JADE1: variants seen among roughly 807,000 people sequenced by gnomAD.
JADE1 encodes the protein protein Jade-1.
JADE1 carries 14 observed loss-of-function variants against 81.8 expected under a neutral mutation model. The ratio of observed to expected loss-of-function variants is 0.17; its 90% confidence interval spans 0.11 to 0.27. The LOEUF is 0.27. Among genes scored for constraint, JADE1 ranks in the 10% least tolerant of loss-of-function variants. The pLI is 1.00. For missense variants in JADE1, 690 were observed against 1,047.9 expected, an observed-to-expected ratio of 0.66 and a Z score of 4.71; for synonymous variants, 353 against 391.9, an observed-to-expected ratio of 0.90 and a Z score of 1.17.
At chr4:128,825,407 A>G (rs1477708547) in intron 1 of JADE1, among the ~76,000 whole-genome samples, 2 of 152,092 alleles carry the variant, frequency 1.3e-5, no homozygotes, top group African/African-American at 4.8e-5. Flanking sequence ...TAGAATCATC[A>G]CATCAGTCAT....
At chr4:128,831,831 C>T (rs1579137922) in intron 2 of JADE1, 21 bp downstream of exon 2, 1 of 1,606,924 alleles carries the variant, frequency 6.2e-7, no homozygotes, top group East Asian at 2.2e-5. Context: ...CTTTGTTGTT[C>T]TTGGAGCCTA....
At chr4:128,812,352 A>C (rs1726519860) in intron 1 of JADE1, among the ~76,000 whole-genome samples, 3 of 148,478 alleles carry the variant, frequency 2.0e-5, no homozygotes, top group East Asian at 2.1e-4. Context: ...GCCGCGCGGA[A>C]CCGCGGCCCT....
chr4:128,868,508 ATATT>A (rs1553952219), intron 10 of JADE1, among the ~76,000 whole-genome samples: 3 of 152,082 alleles, frequency 2.0e-5, no homozygotes, highest in African/African-American at 4.8e-5. Flanking sequence ...TGAGCACCAA[ATATT>A]TATTTAGTGT....
chr4:128,842,031 A>G (rs2125847312), intron 2 of JADE1, among the ~76,000 whole-genome samples: 1 of 152,312 alleles, frequency 6.6e-6, no homozygotes, highest in South Asian at 2.1e-4. Context: ...GAAGAAAGGC[A>G]GAGAACAGAG....
chr4:128,825,484 A>G (rs1403055200), intron 1 of JADE1, among the ~76,000 whole-genome samples: 1 of 152,156 alleles, frequency 6.6e-6, no homozygotes, highest in Non-Finnish European at 1.5e-5. Flanking sequence ...GGGTTCCTTC[A>G]CATAGTGGCT....
At chr4:128,840,509 T>C (rs752107095) in intron 2 of JADE1, among the ~76,000 whole-genome samples, 24 of 152,212 alleles carry the variant, frequency 1.6e-4, no homozygotes, top group Non-Finnish European at 2.5e-4. Context: ...CCAGACCTTC[T>C]GATAATTCCA....
chr4:128,864,477 A>G lies in JADE1; in HGVS notation c.1503+2252A>G, dbSNP rs575519532. 1.6e-3 allele frequency: 1,562 copies of G among 985,422 alleles called. 6 individuals are homozygous for G. Among genetic ancestry groups the G allele is most frequent in the Middle Eastern group, 2.1e-3 (4 of 1,914 alleles). The allele number at this position is 985,422 out of a possible 1,614,324, so 61.0% of individuals were successfully genotyped here. On this transcript the variant is annotated intron_variant, in intron 9 of 10. Transcript: ENST00000226319. ...AAATGGGCTTATTGTAATGAAAAAAAATACGCTACCCAAAATTTGCCATGA... is the reference window on the plus strand; with the variant it reads ...AAATGGGCTTATTGTAATGAAAAAAGATACGCTACCCAAAATTTGCCATGA...
intron 1 of JADE1, among the ~76,000 whole-genome samples, chr4:128,820,259 G>A (rs564923444): frequency 6.6e-6 from 1 of 152,186 alleles, no homozygotes; most frequent in Admixed American, 6.5e-5. Flanking sequence ...TTACAGGCAT[G>A]TGCCACCATG....
rs771370075 is a variant in JADE1, at chr4:128,862,204, C to T, written c.1482C>T (p.His494=). The T allele has an allele frequency of 2.0e-5, 32 of 1,614,174 alleles. No homozygotes were observed. Among genetic ancestry groups the T allele is most frequent in the African/African-American group, 2.7e-5 (2 of 75,032 alleles). ...TTAGGAGGCTGCAGCTGTTCACGCA[C>T]CTGCGGCAGGACCTGGAGAGGGTAA... ...VLFRRLQLFT[H]LRQDLERVRN... The change falls in exon 9 of 11, where the codon CAC becomes CAT. Residue 494 remains histidine (H), a synonymous_variant. Transcript: ENST00000226319.
intron 1 of JADE1, among the ~76,000 whole-genome samples, chr4:128,828,817 A>C (rs1056247197): frequency 3.9e-5 from 6 of 152,056 alleles, no homozygotes; most frequent in Non-Finnish European, 8.8e-5. Flanking sequence ...CTAATTTTTA[A>C]ATTTTTTTAT....
chr4:128,848,195 G>A (rs543239139), intron 4 of JADE1, among the ~76,000 whole-genome samples: 11 of 151,824 alleles, frequency 7.2e-5, no homozygotes, highest in South Asian at 4.2e-4. Flanking sequence ...TTTTGTTTGC[G>A]TTTGAGACAG....
At chr4:128,812,306 A>G (rs1726512008) in intron 1 of JADE1, among the ~76,000 whole-genome samples, 1 of 150,654 alleles carries the variant, frequency 6.6e-6, no homozygotes, top group African/African-American at 2.4e-5. Flanking sequence ...CGGGAGGAGG[A>G]GGAGGAGGAG....
intron 1 of JADE1, chr4:128,831,486 A>C (rs1728546820): frequency 2.0e-6 from 1 of 498,182 alleles, no homozygotes. Context: ...TATAGAAAGA[A>C]ACCTGGCATC....
intron 2 of JADE1, among the ~76,000 whole-genome samples, chr4:128,835,329 G>A (rs1728894912): frequency 6.6e-6 from 1 of 152,164 alleles, no homozygotes. Flanking sequence ...AGTGGTAAAC[G>A]CAGAGTTCTC....
intron 1 of JADE1, among the ~76,000 whole-genome samples, chr4:128,824,262 C>CA (rs962081857): frequency 2.2e-4 from 34 of 151,292 alleles, no homozygotes; most frequent in South Asian, 4.2e-4. Context: ...ACTAAAATTA[C>CA]AAAAAAATAT....
intron 10 of JADE1, among the ~76,000 whole-genome samples, chr4:128,869,534 A>G (rs1339470154): frequency 6.6e-6 from 1 of 152,198 alleles, no homozygotes; most frequent in African/African-American, 2.4e-5. Flanking sequence ...GATTCCCTGT[A>G]AAAATAAGCC....
At chr4:128,810,684 TCAC>T (rs1398241466) in intron 1 of JADE1, among the ~76,000 whole-genome samples, 2 of 126,394 alleles carry the variant, frequency 1.6e-5, no homozygotes, top group Admixed American at 2.1e-4. Flanking sequence ...TGTCACCGCG[TCAC>T]CACATGTCCA....
intron 2 of JADE1, among the ~76,000 whole-genome samples, chr4:128,839,376 A>G (rs1729239489): frequency 6.6e-6 from 1 of 152,208 alleles, no homozygotes; most frequent in Non-Finnish European, 1.5e-5. Context: ...TGTAAAGTAA[A>G]ATAGAATTTT....
intron 1 of JADE1, chr4:128,811,888 G>A (rs1726438622): frequency 2.6e-5 from 4 of 151,506 alleles, no homozygotes; most frequent in African/African-American, 9.7e-5. Context: ...GCGGGAGCGG[G>A]AGCCGAGCCC....
Sources: gnomAD v4.1 joint callset for allele counts (sites outside exome capture counted in the v4.1 genomes callset) on GRCh38, gnomAD v4.1.1 for gene constraint, MANE v1.5 for transcripts, NCBI Gene and HGNC (gene_info 2026-07-23, HGNC 2026-07-21) for gene names.